FAM117B: variants seen among roughly 807,000 people sequenced by gnomAD.
FAM117B encodes family with sequence similarity 117 member B.
Under a neutral mutation model 52.8 loss-of-function variants are expected in FAM117B, and 22 were observed. The ratio of observed to expected loss-of-function variants is 0.42; its 90% confidence interval spans 0.30 to 0.59. The LOEUF (loss-of-function observed/expected upper bound fraction) is 0.59, where lower values mean the gene tolerates loss of function less well. Among genes scored for constraint, FAM117B ranks in the 20% least tolerant of loss-of-function variants. The pLI is 0.22. For synonymous variants in FAM117B, 309 were observed against 324.1 expected (o/e 0.95, Z 0.50); for missense variants, 678 against 802.6 (o/e 0.84, Z 1.88).
chr2:202,695,822 G>C (rs1376162487), intron 1 of FAM117B, 59 bp from the exon 2 acceptor site: 2 of 1,514,410 alleles, frequency 1.3e-6, no homozygotes, highest in Non-Finnish European at 1.8e-6. Context: ...TTAAAACTTA[G>C]TTTCTGCTTT....
chr2:202,680,420 TTA>T (rs1196374569), intron 1 of FAM117B, among the ~76,000 whole-genome samples: 1 of 151,930 alleles, frequency 6.6e-6, no homozygotes, highest in Non-Finnish European at 1.5e-5. Context: ...AAAGTATAAT[TTA>T]AAAAAGTCTG....
chr2:202,736,969 T>C (rs925432512), intron 4 of FAM117B, among the ~76,000 whole-genome samples: 1 of 152,196 alleles, frequency 6.6e-6, no homozygotes, highest in East Asian at 1.9e-4. Context: ...TTATCACCAG[T>C]GTACCACAGA....
chr2:202,701,025 A>C (rs1690788247), intron 2 of FAM117B, among the ~76,000 whole-genome samples: 1 of 152,168 alleles, frequency 6.6e-6, no homozygotes, highest in Non-Finnish European at 1.5e-5. Flanking sequence ...AAACAGCCTT[A>C]TCTTGTAAGA....
At chr2:202,752,214 A>G (rs1305344723) in intron 4 of FAM117B, among the ~76,000 whole-genome samples, 1 of 152,160 alleles carries the variant, frequency 6.6e-6, no homozygotes, top group African/African-American at 2.4e-5. Context: ...GACGCCAGGC[A>G]CCATACCAGG....
At chr2:202,650,421 C>T (rs1689939330) in intron 1 of FAM117B, among the ~76,000 whole-genome samples, 1 of 151,892 alleles carries the variant, frequency 6.6e-6, no homozygotes, top group African/African-American at 2.4e-5. Flanking sequence ...AATTTTTAAC[C>T]TTTAAAAGTA....
At chr2:202,675,984 C>CAAAAAAAA (rs778502048) in intron 1 of FAM117B, among the ~76,000 whole-genome samples, 3 of 56,712 alleles carry the variant, frequency 5.3e-5, no homozygotes, top group African/African-American at 5.8e-5. Context: ...GACACAGTCT[C>CAAAAAAAA]AAAAAAAAAA....
intron 1 of FAM117B, among the ~76,000 whole-genome samples, chr2:202,644,088 T>C (rs1218286295): frequency 1.4e-5 from 2 of 139,778 alleles, no homozygotes; most frequent in African/African-American, 5.3e-5. Context: ...TTTTTTTCAG[T>C]TTTATGTATT....
rs918901738 is a variant in FAM117B at position 202,635,749 on chromosome 2, C to T, written c.562C>T (p.Pro188Ser). ...RRSPEQSRSS[P>S]EKRSPSAPVC... ...GTCTCCGGAGCAGAGCCGAAGCTCG[C>T]CGGAGAAGAGGAGCCCCAGCGCCCC... Residue 188 changes from proline to serine, a missense_variant, in exon 1 of 8, where the codon CCG (proline) becomes TCG (serine). Physicochemically the swap from Pro to Ser is moderately conservative, Grantham distance 74 (BLOSUM62 -1). This residue lies in a region of FAM117B where 583 missense variants were observed against 644.8 expected (regional missense o/e 0.90). Coordinates refer to ENST00000392238, the MANE Select transcript of FAM117B (RefSeq NM_173511.4). 1.2e-5 allele frequency: 18 copies of T among 1,457,164 alleles called. No individual in the cohort carries two copies. The highest frequency in any genetic ancestry group is 7.2e-5 in the Admixed American group (3 of 41,568). The allele number at this position is 1,457,164 out of a possible 1,614,324, so 90.3% of individuals were successfully genotyped here. A position where few individuals can be genotyped will look rare whatever the true frequency, so the allele number is the denominator to read the frequency against.
At chr2:202,694,065 T>G (rs1308818314) in intron 1 of FAM117B, among the ~76,000 whole-genome samples, 1 of 152,122 alleles carries the variant, frequency 6.6e-6, no homozygotes, top group African/African-American at 2.4e-5. Context: ...TCACAGAAAA[T>G]TATACATAGA....
intron 2 of FAM117B, among the ~76,000 whole-genome samples, chr2:202,712,535 A>G (rs891255387): frequency 6.9e-6 from 1 of 145,086 alleles, no homozygotes; most frequent in Non-Finnish European, 1.5e-5. Flanking sequence ...TTGGGTGCCT[A>G]TTATTTCATT....
intron 1 of FAM117B, among the ~76,000 whole-genome samples, chr2:202,653,521 C>T (rs916088574): frequency 6.6e-6 from 1 of 152,052 alleles, no homozygotes; most frequent in Non-Finnish European, 1.5e-5. Flanking sequence ...TTTGTGTATT[C>T]GTTCTCTATT....
chr2:202,709,175 C>T (rs1036094841), intron 2 of FAM117B, among the ~76,000 whole-genome samples: 3 of 151,558 alleles, frequency 2.0e-5, no homozygotes, highest in South Asian at 2.1e-4. Context: ...AGTCCTTAGC[C>T]CACTTTTTTT....
intron 1 of FAM117B, among the ~76,000 whole-genome samples, chr2:202,694,731 C>T (rs370812593): frequency 2.6e-5 from 4 of 152,110 alleles, no homozygotes; most frequent in African/African-American, 7.2e-5. Flanking sequence ...CTAGGATACT[C>T]TCAAAGGCAA....
chr2:202,697,135 T>G (rs986267250), intron 2 of FAM117B, among the ~76,000 whole-genome samples: 1 of 152,120 alleles, frequency 6.6e-6, no homozygotes, highest in African/African-American at 2.4e-5. Flanking sequence ...GATGAAGAAG[T>G]TGAGGTCTAA....
At position 202,766,960 on chromosome 2, in the gene FAM117B, C is replaced by T. The variant is rs1477026346; in HGVS notation, c.*1196C>T. 1 of 152,490 alleles carries T rather than the reference C, an allele frequency of 6.6e-6. No homozygotes were observed. The highest frequency in any genetic ancestry group is 1.5e-5 in the Non-Finnish European group (1 of 68,030). 9.4% of individuals were successfully genotyped at this position (152,490 alleles called of 1,614,324 possible). On this transcript the variant is annotated 3_prime_UTR_variant, in exon 8 of 8. Coordinates refer to ENST00000392238, the MANE Select transcript of FAM117B (RefSeq NM_173511.4). ...GGTTGGCCCTGAGATTTGTTGCCTA[C>T]AGATTTTGCTAATTTACCCCCCTAA...
At position 202,732,376 on chromosome 2, in the gene FAM117B, A is replaced by G. The variant is rs143138229; in HGVS notation, c.960+6013A>G. Among the ~76,000 whole-genome samples the G allele has an allele frequency of 1.8e-3, 267 of 152,358 alleles. 3 individuals carry two copies. Among genetic ancestry groups the G allele is most frequent in the African/African-American group, 6.1e-3 (253 of 41,578 alleles). ...GTACATGTATGTTAATGGCAGCATT[A>G]TTCATAATAGCCAAAATGTAGAAAA... On this transcript the variant is annotated intron_variant, in intron 4 of 7. Coordinates refer to ENST00000392238, the MANE Select transcript of FAM117B (RefSeq NM_173511.4).
intron 1 of FAM117B, among the ~76,000 whole-genome samples, chr2:202,637,556 C>T (rs1056953854): frequency 6.6e-6 from 1 of 152,206 alleles, no homozygotes; most frequent in African/African-American, 2.4e-5. Context: ...CTATTTTAAA[C>T]CTTTTGAGAA....
intron 5 of FAM117B, 92 bp downstream of exon 5, chr2:202,755,773 C>T: frequency 7.6e-7 from 1 of 1,323,176 alleles, no homozygotes; most frequent in Non-Finnish European, 1.0e-6. Context: ...GGGTTTCTTC[C>T]TTCTCATTGA....
chr2:202,670,080 G>A (rs1292184412), intron 1 of FAM117B, among the ~76,000 whole-genome samples: 1 of 152,104 alleles, frequency 6.6e-6, no homozygotes, highest in African/African-American at 2.4e-5. Context: ...GGGTCTGTTT[G>A]TTAGCTTCAT....
Sources: allele counts gnomAD v4.1 joint callset (sites outside exome capture counted in the v4.1 genomes callset), GRCh38; gene constraint gnomAD v4.1.1; regional missense constraint gnomAD v4.1.1; transcripts MANE v1.5; gene names NCBI Gene and HGNC (gene_info 2026-07-23, HGNC 2026-07-21).